KHDRBS2: variants seen among roughly 807,000 people sequenced by gnomAD.
KHDRBS2 encodes KH RNA binding domain containing, signal transduction associated 2.
A neutral mutation model predicts 44.3 loss-of-function variants in KHDRBS2; 26 were observed. The ratio of observed to expected loss-of-function variants is 0.59; its 90% CI spans 0.43 to 0.81. KHDRBS2 has a LOEUF of 0.81. Among genes scored for constraint, KHDRBS2 ranks in the 40% least tolerant of loss-of-function variants. The pLI, the probability that KHDRBS2 is intolerant of heterozygous loss-of-function variation, is 0.00. For missense variants in KHDRBS2, 476 were observed against 433.1 expected, an observed-to-expected ratio of 1.10 and a Z score of -0.88; for synonymous variants, 194 against 151.1, an observed-to-expected ratio of 1.28 and a Z score of -2.08.
chr6:61,764,792 T>C (rs911140116), intron 6 of KHDRBS2, among the ~76,000 whole-genome samples: 4 of 152,166 alleles, frequency 2.6e-5, no homozygotes, highest in African/African-American at 9.7e-5. Flanking sequence ...CTTTGACAGA[T>C]AGATAGATTG....
intron 3 of KHDRBS2, among the ~76,000 whole-genome samples, chr6:62,039,944 T>C (rs1004576812): frequency 6.6e-6 from 1 of 152,096 alleles, no homozygotes; most frequent in African/African-American, 2.4e-5. Flanking sequence ...TTGAGTTTTG[T>C]GACATTAAAT....
the KHDRBS2 span, among the ~76,000 whole-genome samples, chr6:61,626,535 T>C: frequency 2.0e-5 from 3 of 152,380 alleles, no homozygotes; most frequent in South Asian, 4.1e-4. Flanking sequence ...GTCACTGCTA[T>C]GTTAACTTTG....
the KHDRBS2 span, among the ~76,000 whole-genome samples, chr6:61,645,309 A>G: frequency 6.6e-6 from 1 of 151,994 alleles, no homozygotes; most frequent in Non-Finnish European, 1.5e-5. Context: ...ATTAGGGTCT[A>G]TCAGAGGGTG....
At chr6:62,260,025 C>T (rs1323128211) in intron 1 of KHDRBS2, among the ~76,000 whole-genome samples, 1 of 151,898 alleles carries the variant, frequency 6.6e-6, no homozygotes, top group African/African-American at 2.4e-5. Flanking sequence ...GTCAGGAAGG[C>T]CATGTAGTGC....
At chr6:61,568,757 T>C in the KHDRBS2 span, among the ~76,000 whole-genome samples, 2 of 152,170 alleles carry the variant, frequency 1.3e-5, no homozygotes, top group African/African-American at 4.8e-5. Context: ...TTACAGGCAC[T>C]CCCAGTCTCC....
chr6:62,136,314 A>G (rs1811513909), intron 2 of KHDRBS2, among the ~76,000 whole-genome samples: 1 of 152,210 alleles, frequency 6.6e-6, no homozygotes, highest in Non-Finnish European at 1.5e-5. Context: ...TTCTAATGAT[A>G]ACACTTTACA....
intron 4 of KHDRBS2, among the ~76,000 whole-genome samples, chr6:61,909,289 G>A (rs1343645620): frequency 6.6e-6 from 1 of 151,918 alleles, no homozygotes; most frequent in African/African-American, 2.4e-5. Flanking sequence ...GGCTGGTGTC[G>A]CACTCCTGAG....
At chr6:61,562,656 T>C in the KHDRBS2 span, among the ~76,000 whole-genome samples, 3 of 152,056 alleles carry the variant, frequency 2.0e-5, no homozygotes, top group African/African-American at 7.2e-5. Context: ...AATGCAAACA[T>C]CAAGGAAGAT....
intron 4 of KHDRBS2, among the ~76,000 whole-genome samples, chr6:61,948,736 C>A (rs1234230559): frequency 6.6e-6 from 1 of 150,558 alleles, no homozygotes; most frequent in East Asian, 2.0e-4. Flanking sequence ...TGGTCTTGAA[C>A]TCCTGGCCTC....
chr6:61,688,437 A>C (rs1371634483), intron 8 of KHDRBS2, among the ~76,000 whole-genome samples: 1 of 151,944 alleles, frequency 6.6e-6, no homozygotes, highest in Non-Finnish European at 1.5e-5. Context: ...GGAGTTTATA[A>C]TATGAGGAAT....
intron 3 of KHDRBS2, among the ~76,000 whole-genome samples, chr6:62,035,026 T>C (rs556603451): frequency 1.0e-3 from 153 of 152,132 alleles, no homozygotes; most frequent in African/African-American, 3.6e-3. Flanking sequence ...AGGGAAGCTT[T>C]GTACACCTTT....
chr6:61,649,866 A>T, the KHDRBS2 span, among the ~76,000 whole-genome samples: 2,435 of 152,234 alleles, frequency 0.016, 66 homozygotes, highest in African/African-American at 0.057. Flanking sequence ...TCCTTTCCAT[A>T]GGTTCTTCTT....
chr6:61,807,339 T>A (rs1431294560), intron 6 of KHDRBS2, among the ~76,000 whole-genome samples: 1 of 152,082 alleles, frequency 6.6e-6, no homozygotes, highest in Non-Finnish European at 1.5e-5. Context: ...CAAAGGAATA[T>A]AAATCATTAT....
chr6:61,672,846 TTTAA>T, the KHDRBS2 span, among the ~76,000 whole-genome samples: 1 of 150,688 alleles, frequency 6.6e-6, no homozygotes, highest in Non-Finnish European at 1.5e-5. Flanking sequence ...AGCTCTTTAG[TTTAA>T]TTAGATCCCA....
chr6:61,560,090 G>A, the KHDRBS2 span, among the ~76,000 whole-genome samples: 1 of 151,938 alleles, frequency 6.6e-6, no homozygotes, highest in African/African-American at 2.4e-5. Flanking sequence ...CTATTTTAGG[G>A]TAAGGTTTTT....
downstream of KHDRBS2, chr6:61,678,822 A>G (rs1332865496): frequency 6.6e-6 from 1 of 151,900 alleles, no homozygotes; most frequent in East Asian, 1.9e-4. Flanking sequence ...CTATAGCTTC[A>G]CGTTTTATCA....
At chr6:62,009,352 T>A (rs185557339) in intron 3 of KHDRBS2, among the ~76,000 whole-genome samples, 1 of 152,106 alleles carries the variant, frequency 6.6e-6, no homozygotes, top group East Asian at 1.9e-4. Flanking sequence ...ATTCAAGAGG[T>A]GAGTTGGGTA....
At chr6:62,092,499 G>A (rs1458818307) in intron 2 of KHDRBS2, among the ~76,000 whole-genome samples, 1 of 152,140 alleles carries the variant, frequency 6.6e-6, no homozygotes, top group Non-Finnish European at 1.5e-5. Flanking sequence ...ATGGTAAGAA[G>A]TAATGTGTAA....
At chr6:61,675,297 A>G (rs1342316804), downstream of KHDRBS2, among the ~76,000 whole-genome samples, 6 of 151,882 alleles carry the variant, frequency 4.0e-5, no homozygotes, top group African/African-American at 1.4e-4. Flanking sequence ...ATTTCCTTTC[A>G]AAGAATTCTT....
Sources: gnomAD v4.1 joint callset for allele counts (sites outside exome capture counted in the v4.1 genomes callset) on GRCh38, gnomAD v4.1.1 for gene constraint, MANE v1.5 for transcripts, NCBI Gene and HGNC (gene_info 2026-07-23, HGNC 2026-07-21) for gene names.